Variants in SCN11A observed in about 807,000 individuals in gnomAD.
SCN11A encodes the protein sodium channel protein type 11 subunit alpha.
A neutral mutation model predicts 162.2 loss-of-function variants in SCN11A; 122 were observed. The ratio of observed to expected loss-of-function variants is 0.75; its 90% CI spans 0.65 to 0.87. The LOEUF (loss-of-function observed/expected upper bound fraction) is 0.87. SCN11A is among the 40% of genes least tolerant of loss of function. The pLI is 0.00. For synonymous variants in SCN11A, 758 were observed against 751.5 expected, an observed-to-expected ratio of 1.01 and a Z score of -0.14; for missense variants, 2,015 against 2,181.6, an observed-to-expected ratio of 0.92 and a Z score of 1.52.
intron 3 of SCN11A, among the ~76,000 whole-genome samples, 130 bp downstream of exon 3, chr3:38,960,151 TTC>T (rs1378307027): frequency 6.6e-6 from 1 of 151,702 alleles, no homozygotes; most frequent in African/African-American, 2.4e-5. Flanking sequence ...CGCTCTCTGC[TTC>T]TAATTTGATC....
At chr3:38,864,484 A>G (rs897706575) in intron 27 of SCN11A, among the ~76,000 whole-genome samples, 6 of 152,164 alleles carry the variant, frequency 3.9e-5, no homozygotes, top group Non-Finnish European at 5.9e-5. Flanking sequence ...AAATTCTATC[A>G]TCTTTGCCTT....
At chr3:38,957,092 T>A (rs1178078697) in intron 3 of SCN11A, among the ~76,000 whole-genome samples, 11 of 152,134 alleles carry the variant, frequency 7.2e-5, no homozygotes, top group Non-Finnish European at 2.9e-5. Flanking sequence ...GTAAGCTAAT[T>A]TAAAGTTAGA....
intron 2 of SCN11A, among the ~76,000 whole-genome samples, chr3:38,961,117 T>C (rs1202649406): frequency 6.6e-6 from 1 of 152,152 alleles, no homozygotes; most frequent in East Asian, 1.9e-4. Context: ...GGTGAGTGTT[T>C]ACAAGGAAGT....
chr3:38,997,008 C>G (rs79877252), intron 2 of SCN11A, among the ~76,000 whole-genome samples: 4,182 of 152,288 alleles, frequency 0.027, 211 homozygotes, highest in African/African-American at 0.095. Flanking sequence ...CGCTCAGTTA[C>G]CACAAGTGGC....
At position 38,950,312 on chromosome 3, in the gene SCN11A, G is replaced by C. The variant is rs746904312; in HGVS notation, c.51C>G (p.Arg17=). ...PVIFPDERNF[R]PFTSDSLAAI... is the part of the protein sequence containing the mutation. ...CAGCCAGAGAGTCGGAAGTGAAGGGGCGGAAATTCCGCTCATCTGGAAAGA... is the reference window on the plus strand; with the variant it reads ...CAGCCAGAGAGTCGGAAGTGAAGGGCCGGAAATTCCGCTCATCTGGAAAGA... Residue 17 remains arginine, a synonymous_variant, in exon 5 of 30, where the codon CGC becomes CGG. Transcript: ENST00000302328. 5.3e-5 allele frequency: 85 copies of C among 1,613,888 alleles called. No homozygotes were observed. The highest frequency in any genetic ancestry group is 6.8e-5 in the Non-Finnish European group (80 of 1,180,000).
At chr3:39,033,164 A>G (rs1020688974) in intron 1 of SCN11A, among the ~76,000 whole-genome samples, 1 of 149,138 alleles carries the variant, frequency 6.7e-6, no homozygotes, top group East Asian at 2.1e-4. Context: ...AAAAAAAAAA[A>G]AAGAGAGAGA....
intron 16 of SCN11A, among the ~76,000 whole-genome samples, chr3:38,902,586 C>T (rs1575269648): frequency 6.6e-6 from 1 of 151,370 alleles, no homozygotes; most frequent in Non-Finnish European, 1.5e-5. Flanking sequence ...GGCACGATCT[C>T]GGCTCACTGC....
intron 2 of SCN11A, among the ~76,000 whole-genome samples, chr3:38,981,704 T>G (rs78303851): frequency 1.4e-3 from 208 of 151,808 alleles, no homozygotes; most frequent in African/African-American, 4.7e-3. Context: ...AGAATTCCAG[T>G]TCAAAAAACA....
At chr3:38,921,835 C>T (rs1009248048) in intron 9 of SCN11A, among the ~76,000 whole-genome samples, 1 of 152,146 alleles carries the variant, frequency 6.6e-6, no homozygotes, top group African/African-American at 2.4e-5. Context: ...TATTAAGCAC[C>T]TACTATGTCC....
At chr3:38,917,236 A>T (rs2065973735) in intron 11 of SCN11A, among the ~76,000 whole-genome samples, 1 of 152,254 alleles carries the variant, frequency 6.6e-6, no homozygotes, top group Admixed American at 6.5e-5. Context: ...AATTAGTTCA[A>T]CCATTGTGGA....
chr3:38,934,621 C>G (rs374639700), intron 7 of SCN11A, among the ~76,000 whole-genome samples: 5 of 151,928 alleles, frequency 3.3e-5, no homozygotes, highest in Non-Finnish European at 7.4e-5. Flanking sequence ...AAGATCAAAA[C>G]AGACAAAGAA....
Position 38,846,703 on chromosome 3 carries a change from G to A in SCN11A, c.5367C>T (p.His1789=). The A allele has an allele frequency of 3.1e-6, 5 of 1,613,830 alleles. No homozygotes were observed. Among genetic ancestry groups the A allele is most frequent in the Non-Finnish European group, 3.4e-6 (4 of 1,179,806 alleles). Residue 1789 remains histidine (H), a synonymous_variant, in exon 30 of 30, where the codon CAC becomes CAT. Transcript: ENST00000302328. ...GCGTGGAGGTGAGGGCTCAGTCACAGTGGACCTTGCCCTTGGCCACCCCAA... is the reference window on the plus strand; with the variant it reads ...GCGTGGAGGTGAGGGCTCAGTCACAATGGACCTTGCCCTTGGCCACCCCAA... ...SSFGVAKGKV[H]CD
intron 2 of SCN11A, among the ~76,000 whole-genome samples, chr3:39,032,063 T>G (rs1209629568): frequency 6.6e-6 from 1 of 152,218 alleles, no homozygotes; most frequent in Non-Finnish European, 1.5e-5. Context: ...GATTCTTACG[T>G]GCTCATTTCC....
intron 2 of SCN11A, among the ~76,000 whole-genome samples, chr3:38,973,692 G>A (rs900704524): frequency 2.6e-5 from 4 of 152,226 alleles, no homozygotes; most frequent in Non-Finnish European, 5.9e-5. Flanking sequence ...ACCTCTGGAT[G>A]GAAGAGAGTG....
At chr3:38,962,611 G>A (rs1262516184) in intron 2 of SCN11A, among the ~76,000 whole-genome samples, 4 of 152,082 alleles carry the variant, frequency 2.6e-5, no homozygotes, top group African/African-American at 9.7e-5. Flanking sequence ...AGCACTTTGG[G>A]AGGCTGAGGC....
chr3:39,017,806 T>C (rs758713329), intron 2 of SCN11A, among the ~76,000 whole-genome samples: 2 of 152,236 alleles, frequency 1.3e-5, no homozygotes, highest in Non-Finnish European at 2.9e-5. Context: ...ATAATACCTA[T>C]GGCACTTCTG....
At chr3:38,902,936 C>T (rs1490336353) in intron 16 of SCN11A, among the ~76,000 whole-genome samples, 1 of 151,844 alleles carries the variant, frequency 6.6e-6, no homozygotes, top group East Asian at 1.9e-4. Context: ...TACACACATA[C>T]ATACATGCTT....
intron 28 of SCN11A, among the ~76,000 whole-genome samples, chr3:38,854,495 G>A (rs1202172976): frequency 6.6e-6 from 1 of 152,166 alleles, no homozygotes; most frequent in Non-Finnish European, 1.5e-5. Flanking sequence ...CAGGGCTAAC[G>A]TGCATCTCGC....
At chr3:38,967,022 C>G (rs1320450932) in intron 2 of SCN11A, among the ~76,000 whole-genome samples, 1 of 152,178 alleles carries the variant, frequency 6.6e-6, no homozygotes, top group Non-Finnish European at 1.5e-5. Flanking sequence ...AAAGGGTGTG[C>G]ACTTGAGATG....
Sources: allele counts gnomAD v4.1 joint callset (sites outside exome capture counted in the v4.1 genomes callset), GRCh38; gene constraint gnomAD v4.1.1; transcripts MANE v1.5; gene names NCBI Gene and HGNC (gene_info 2026-07-23, HGNC 2026-07-21).